The following ABTB3 variants were observed in gnomAD, a reference collection of about 807,000 sequenced individuals.
ABTB3 encodes ankyrin repeat- and BTB/POZ domain-containing protein 3.
the ABTB3 span, among the ~76,000 whole-genome samples, chr12:107,579,582 T>C: frequency 6.6e-6 from 1 of 152,194 alleles, no homozygotes; most frequent in Non-Finnish European, 1.5e-5. Context: ...GATCTGACTA[T>C]AGGAAAACTG....
chr12:107,405,833 G>A, the ABTB3 span, among the ~76,000 whole-genome samples: 2 of 152,320 alleles, frequency 1.3e-5, no homozygotes, highest in South Asian at 2.1e-4. Context: ...ATTGAGCCAG[G>A]CGATTGGAGA....
chr12:107,407,200 C>A, the ABTB3 span, among the ~76,000 whole-genome samples: 1 of 152,182 alleles, frequency 6.6e-6, no homozygotes, highest in African/African-American at 2.4e-5. Flanking sequence ...CCCCAGCTCA[C>A]CAGGGTTTGG....
chr12:107,577,361 G>T, the ABTB3 span, among the ~76,000 whole-genome samples: 3 of 152,244 alleles, frequency 2.0e-5, no homozygotes, highest in African/African-American at 7.2e-5. Flanking sequence ...CCAGGGCTGG[G>T]ATTCAGTTCT....
At chr12:107,362,165 G>C in the ABTB3 span, among the ~76,000 whole-genome samples, 7 of 152,248 alleles carry the variant, frequency 4.6e-5, no homozygotes, top group East Asian at 1.3e-3. Context: ...TGTAGCCACA[G>C]TTGGCTTCCT....
At chr12:107,566,070 G>A in the ABTB3 span, among the ~76,000 whole-genome samples, 27 of 152,296 alleles carry the variant, frequency 1.8e-4, no homozygotes, top group Non-Finnish European at 3.1e-4. Flanking sequence ...TTGCGTGTAT[G>A]TTTCCTTCTT....
At chr12:107,489,775 T>A in the ABTB3 span, among the ~76,000 whole-genome samples, 1 of 152,096 alleles carries the variant, frequency 6.6e-6, no homozygotes, top group Non-Finnish European at 1.5e-5. Context: ...TTTTTTGTTT[T>A]TTTTAGAGAC....
the ABTB3 span, among the ~76,000 whole-genome samples, chr12:107,563,357 A>G: frequency 1.3e-5 from 2 of 152,222 alleles, no homozygotes; most frequent in African/African-American, 2.4e-5. Context: ...CCTACAAAGT[A>G]CCAGCACTGT....
At chr12:107,493,349 T>C in the ABTB3 span, among the ~76,000 whole-genome samples, 1 of 152,164 alleles carries the variant, frequency 6.6e-6, no homozygotes, top group Admixed American at 6.5e-5. Context: ...GGGCAGGGCA[T>C]ACCTTCTGTG....
At chr12:107,339,250 G>C in the ABTB3 span, among the ~76,000 whole-genome samples, 9 of 152,216 alleles carry the variant, frequency 5.9e-5, no homozygotes, top group African/African-American at 2.2e-4. Context: ...CTTTCTGAAG[G>C]AAAACACAAG....
chr12:107,546,065 T>C, the ABTB3 span, among the ~76,000 whole-genome samples: 3 of 152,246 alleles, frequency 2.0e-5, no homozygotes, highest in South Asian at 6.2e-4. Context: ...TAGCATCTTA[T>C]TCTTTTCTGC....
the ABTB3 span, among the ~76,000 whole-genome samples, chr12:107,369,944 C>T: frequency 2.0e-5 from 3 of 152,056 alleles, no homozygotes; most frequent in Middle Eastern, 3.2e-3. Context: ...CCACCACTTA[C>T]AGCCACGTGA....
At chr12:107,608,212 C>T in the ABTB3 span, among the ~76,000 whole-genome samples, 1 of 152,164 alleles carries the variant, frequency 6.6e-6, no homozygotes, top group Non-Finnish European at 1.5e-5. Context: ...GCCACCGTCT[C>T]AACTCAGCCC....
the ABTB3 span, among the ~76,000 whole-genome samples, chr12:107,499,161 G>T: frequency 2.0e-5 from 3 of 152,182 alleles, no homozygotes; most frequent in Admixed American, 6.5e-5. Context: ...ATTTAGCATT[G>T]TCCAAGGCTT....
At chr12:107,603,979 C>T in the ABTB3 span, among the ~76,000 whole-genome samples, 2 of 151,998 alleles carry the variant, frequency 1.3e-5, no homozygotes, top group South Asian at 2.1e-4. Context: ...ACCATCCTGG[C>T]TAACATAGTG....
the ABTB3 span, among the ~76,000 whole-genome samples, chr12:107,445,882 C>T: frequency 4.3e-5 from 6 of 139,956 alleles, no homozygotes; most frequent in African/African-American, 1.7e-4. Context: ...CCTCTCCCCT[C>T]TCCCCTCTCC....
At chr12:107,546,780 G>A in the ABTB3 span, among the ~76,000 whole-genome samples, 4 of 152,152 alleles carry the variant, frequency 2.6e-5, no homozygotes, top group South Asian at 2.1e-4. Flanking sequence ...CAGGAGAATC[G>A]CTTGAACCCA....
the ABTB3 span, among the ~76,000 whole-genome samples, chr12:107,400,147 T>C: frequency 2.6e-5 from 4 of 152,236 alleles, no homozygotes; most frequent in Non-Finnish European, 5.9e-5. Flanking sequence ...GCAATAAACA[T>C]TCGTGTGCAT....
the ABTB3 span, among the ~76,000 whole-genome samples, chr12:107,497,073 A>C: frequency 6.6e-6 from 1 of 152,174 alleles, no homozygotes; most frequent in Non-Finnish European, 1.5e-5. Flanking sequence ...GTATATGGCA[A>C]GTACTTTGAA....
chr12:107,619,928 C>A, the ABTB3 span: 1 of 1,464,654 alleles, frequency 6.8e-7, no homozygotes, highest in East Asian at 2.5e-5. Context: ...TGTTTTCCAC[C>A]TTTCCCCTCT....
Sources: allele counts gnomAD v4.1 joint callset (sites outside exome capture counted in the v4.1 genomes callset), GRCh38; gene constraint gnomAD v4.1.1; transcripts MANE v1.5; gene names NCBI Gene and HGNC (gene_info 2026-07-23, HGNC 2026-07-21).